The following HERC2 variants were observed in gnomAD, a reference collection of about 807,000 sequenced individuals.
HERC2 encodes the protein HECT and RLD domain containing E3 ubiquitin protein ligase 2.
In HERC2, 102 loss-of-function variants were observed where a neutral mutation model predicts 537.7. The observed-to-expected ratio is 0.19, with a 90% CI of 0.16 to 0.22. The LOEUF is 0.22. Ranked by LOEUF, HERC2 falls within the 10% of genes least tolerant of loss-of-function variation. The probability of loss-of-function intolerance (pLI) is 1.00; values close to 1 mark genes in which losing one functional copy is unlikely to be tolerated. For synonymous variants in HERC2, 2,224 were observed against 2,466.2 expected (o/e 0.90, Z 2.91); for missense variants, 4,236 against 6,198.2 (o/e 0.68, Z 10.63).
chr15:28,249,815 CTT>C lies in HERC2; in HGVS notation c.3051-1081_3051-1080del, dbSNP rs11340454. The stretch of plus-strand genomic sequence containing the variant: ...GGCACACGCCACCACGCCAAGCTAA[CTT>C]TTTTTTTTTTTTTTTTTAAGTGGAG... On this transcript the variant is annotated intron_variant, in intron 20 of 92. Transcript: ENST00000261609. Among the ~76,000 whole-genome samples, 388 of 134,182 alleles carry C rather than the reference CTT, an allele frequency of 2.9e-3. 1 individual carries two copies. Among genetic ancestry groups the C allele is most frequent in the African/African-American group, 7.9e-3 (292 of 36,812 alleles). 88.0% of individuals were successfully genotyped at this position (134,182 alleles called of 152,430 possible).
chr15:28,120,821 C>T (rs1195656418), intron 86 of HERC2, among the ~76,000 whole-genome samples: 1 of 152,202 alleles, frequency 6.6e-6, no homozygotes, highest in Non-Finnish European at 1.5e-5. Flanking sequence ...CCTGCCTGTA[C>T]CACAGAAAAG....
chr15:28,208,780 G>A (rs1466121345), intron 44 of HERC2, among the ~76,000 whole-genome samples: 1 of 152,140 alleles, frequency 6.6e-6, no homozygotes, highest in African/African-American at 2.4e-5. Context: ...GCCTTCAAAG[G>A]CTGCCCGTCC....
intron 4 of HERC2, among the ~76,000 whole-genome samples, chr15:28,284,669 T>C (rs1249407056): frequency 1.3e-5 from 2 of 152,042 alleles, no homozygotes; most frequent in Non-Finnish European, 2.9e-5. Flanking sequence ...ACGCCTGTAA[T>C]CCTAGCACTT....
At chr15:28,170,047 G>A (rs771282561) in intron 65 of HERC2, among the ~76,000 whole-genome samples, 1 of 152,142 alleles carries the variant, frequency 6.6e-6, no homozygotes, top group African/African-American at 2.4e-5. Context: ...GTCTCATCAG[G>A]CTCACTTCGT....
intron 44 of HERC2, among the ~76,000 whole-genome samples, chr15:28,209,041 G>T (rs886800446): frequency 7.9e-5 from 12 of 152,136 alleles, no homozygotes; most frequent in African/African-American, 2.7e-4. Context: ...TAAATATAGA[G>T]AAATATAAAG....
intron 44 of HERC2, among the ~76,000 whole-genome samples, chr15:28,210,195 G>A (rs1342994731): frequency 1.3e-5 from 2 of 151,768 alleles, no homozygotes; most frequent in African/African-American, 2.4e-5. Context: ...GTGCAGTGGC[G>A]CCATCTCGGC....
At chr15:28,157,258 T>C (rs1436602028) in intron 69 of HERC2, among the ~76,000 whole-genome samples, 4 of 152,346 alleles carry the variant, frequency 2.6e-5, no homozygotes, top group Non-Finnish European at 2.9e-5. Context: ...GCTGGCCTCA[T>C]AAAATGAGTT....
chr15:28,153,954 C>G (rs115300781), intron 69 of HERC2, among the ~76,000 whole-genome samples: 1 of 152,074 alleles, frequency 6.6e-6, no homozygotes, highest in African/African-American at 2.4e-5. Flanking sequence ...GAGGGACCGC[C>G]GACCCCAACA....
At position 28,280,156 on chromosome 15, in the gene HERC2, T is replaced by A. The variant is rs772152851; in HGVS notation, c.454A>T (p.Ile152Phe). The A allele has an allele frequency of 6.2e-7, 1 of 1,614,168 alleles. No individual in the cohort carries two copies. Among genetic ancestry groups the A allele is most frequent in the Non-Finnish European group, 8.5e-7 (1 of 1,180,002 alleles). Residue 152 changes from isoleucine (I) to phenylalanine (F), a missense_variant, in exon 5 of 93, where the codon ATT becomes TTT. Ile to Phe is a conservative substitution (Grantham distance 21). This residue lies in a region of HERC2 where 491 missense variants were observed against 559.3 expected (regional missense o/e 0.88). Transcript: ENST00000261609. ...TGAAAAACGGTTCTATTCAAGGCAA[T>A]GAAATAGCGCTCCAAGATCACCAGC... ...QRLVILERYF[I>F]ALNRTVFQEN...
In HERC2 at chr15:28,285,803, CA is replaced by C. The variant is rs3079904; in HGVS notation, c.323-5517del. Among the ~76,000 whole-genome samples the C allele has an allele frequency of 2.7e-3, 193 of 72,334 alleles. 1 individual carries two copies. Among genetic ancestry groups the C allele is most frequent in the Middle Eastern group, 7.5e-3 (1 of 134 alleles). 47.5% of individuals were successfully genotyped at this position (72,334 alleles called of 152,430 possible). ...GACAAACCTCTCTAAGCATGACTGA[CA>C]AAAAAAAAAAAAAAAGACATAAATT... is the stretch of plus-strand genomic sequence containing the variant. On this transcript the variant is annotated intron_variant, in intron 4 of 92. Coordinates refer to ENST00000261609, the MANE Select transcript of HERC2 (RefSeq NM_004667.6).
intron 45 of HERC2, among the ~76,000 whole-genome samples, chr15:28,204,101 C>G (rs1353817393): frequency 6.6e-6 from 1 of 152,064 alleles, no homozygotes; most frequent in African/African-American, 2.4e-5. Context: ...GAAGAAAACT[C>G]CCCTTTCTCC....
chr15:28,314,022 C>T (rs1297491785), intron 2 of HERC2, among the ~76,000 whole-genome samples: 3 of 152,200 alleles, frequency 2.0e-5, no homozygotes, highest in Non-Finnish European at 4.4e-5. Flanking sequence ...CCAGCCTTTA[C>T]GGAAAACCAG....
chr15:28,296,048 A>G (rs1453406503), intron 3 of HERC2, among the ~76,000 whole-genome samples: 1 of 148,226 alleles, frequency 6.7e-6, no homozygotes, highest in Non-Finnish European at 1.5e-5. Flanking sequence ...CATAGTCTTA[A>G]TAATGGAAAA....
At chr15:28,286,486 T>C (rs542388823) in intron 4 of HERC2, among the ~76,000 whole-genome samples, 3 of 152,280 alleles carry the variant, frequency 2.0e-5, no homozygotes, top group African/African-American at 7.2e-5. Flanking sequence ...ACCCACCCTA[T>C]TAATAGGCTA....
At chr15:28,153,788 A>G (rs547854322) in intron 69 of HERC2, among the ~76,000 whole-genome samples, 1 of 152,340 alleles carries the variant, frequency 6.6e-6, no homozygotes, top group African/African-American at 2.4e-5. Context: ...CCTAGTGAGG[A>G]AAGTTGGCCT....
chr15:28,121,564 T>G, intron 85 of HERC2, 135 bp from the exon 86 acceptor site: 1 of 737,342 alleles, frequency 1.4e-6, no homozygotes, highest in Admixed American at 2.1e-5. Context: ...TTCCCTTTTC[T>G]CAAGTTGTGA....
chr15:28,288,979 G>A (rs2076237576), intron 4 of HERC2, among the ~76,000 whole-genome samples: 1 of 151,748 alleles, frequency 6.6e-6, no homozygotes, highest in African/African-American at 2.4e-5. Context: ...ACATGACACA[G>A]CAACACTGCC....
intron 70 of HERC2, among the ~76,000 whole-genome samples, chr15:28,151,263 G>T (rs1272169096): frequency 6.6e-6 from 1 of 152,162 alleles, no homozygotes; most frequent in Non-Finnish European, 1.5e-5. Flanking sequence ...AGAGACAGAT[G>T]TAACAGAAGA....
intron 65 of HERC2, among the ~76,000 whole-genome samples, chr15:28,171,947 T>C (rs8039560): frequency 0.13 from 20,005 of 151,686 alleles, 4,441 homozygotes; most frequent in African/African-American, 0.46. Flanking sequence ...TGGTGGCAGG[T>C]GCCTGTGGTC....
Sources: allele counts gnomAD v4.1 joint callset (sites outside exome capture counted in the v4.1 genomes callset), GRCh38; gene constraint gnomAD v4.1.1; regional missense constraint gnomAD v4.1.1; transcripts MANE v1.5; gene names NCBI Gene and HGNC (gene_info 2026-07-23, HGNC 2026-07-21).